KCNIP4: variants seen among roughly 807,000 people sequenced by gnomAD.
The protein encoded by KCNIP4 is Kv channel-interacting protein 4.
KCNIP4 carries 12 observed loss-of-function variants against 34.0 expected under a neutral mutation model. The ratio of observed to expected loss-of-function variants is 0.35; its 90% CI spans 0.23 to 0.57. The LOEUF (loss-of-function observed/expected upper bound fraction) is 0.57. Ranked by LOEUF, KCNIP4 falls within the 20% of genes least tolerant of loss-of-function variation. The pLI is 0.83. For missense variants in KCNIP4, 238 were observed against 311.7 expected (o/e 0.76, Z 1.78); for synonymous variants, 124 against 102.2 (o/e 1.21, Z -1.29).
chr4:21,231,963 G>A (rs985077930), intron 1 of KCNIP4, among the ~76,000 whole-genome samples: 2 of 152,106 alleles, frequency 1.3e-5, no homozygotes, highest in East Asian at 1.9e-4. Flanking sequence ...GAAGCTGGCC[G>A]ATAGACAAGG....
chr4:21,400,493 C>CTCT (rs1243221687), intron 1 of KCNIP4, among the ~76,000 whole-genome samples: 1,489 of 139,046 alleles, frequency 0.011, 101 homozygotes, highest in African/African-American at 0.036. Flanking sequence ...CTCTCCTCTC[C>CTCT]CCTCCCTTCC....
rs116032878 is a variant in KCNIP4, at chr4:21,631,627, A to C, written c.61+316944T>G. Among the ~76,000 whole-genome samples, 707 of 152,282 alleles carry C rather than the reference A, an allele frequency of 4.6e-3. 2 individuals are homozygous for C. The highest frequency in any genetic ancestry group is 0.016 in the African/African-American group (676 of 41,564). On this transcript the variant is annotated intron_variant, in intron 1 of 8. Coordinates refer to ENST00000382152, the MANE Select transcript of KCNIP4 (RefSeq NM_025221.6). ...CTCCACGGTATAAAAACCCTCTGCT[A>C]TGTCCTCTCAAAACACCTCCTCAAT...
At chr4:21,731,001 T>C (rs1193156895) in intron 1 of KCNIP4, among the ~76,000 whole-genome samples, 1 of 151,682 alleles carries the variant, frequency 6.6e-6, no homozygotes, top group African/African-American at 2.4e-5. Flanking sequence ...GTAGTCCCAG[T>C]TTCTTGGGAG....
At chr4:21,618,821 G>C (rs1744795970) in intron 1 of KCNIP4, among the ~76,000 whole-genome samples, 1 of 151,604 alleles carries the variant, frequency 6.6e-6, no homozygotes, top group Non-Finnish European at 1.5e-5. Flanking sequence ...TTTTAGTAGA[G>C]ACGGGATTTC....
chr4:21,273,439 C>A (rs530199033), intron 1 of KCNIP4, among the ~76,000 whole-genome samples: 9 of 152,230 alleles, frequency 5.9e-5, no homozygotes, highest in African/African-American at 2.2e-4. Flanking sequence ...CATTTACATT[C>A]AAGTAGGCAC....
intron 1 of KCNIP4, among the ~76,000 whole-genome samples, chr4:21,516,994 A>G (rs1486317707): frequency 6.6e-6 from 1 of 152,146 alleles, no homozygotes; most frequent in Non-Finnish European, 1.5e-5. Flanking sequence ...TGTGCAGAGA[A>G]TGTGATGTAG....
At chr4:21,255,191 C>G (rs912610915) in intron 1 of KCNIP4, among the ~76,000 whole-genome samples, 2 of 152,096 alleles carry the variant, frequency 1.3e-5, no homozygotes, top group Admixed American at 6.6e-5. Context: ...TTCTCACTAC[C>G]TGAGCACCCT....
chr4:21,266,024 A>G (rs935135353), intron 1 of KCNIP4, among the ~76,000 whole-genome samples: 7 of 152,188 alleles, frequency 4.6e-5, no homozygotes, highest in Admixed American at 2.0e-4. Flanking sequence ...TTATCTCACA[A>G]TAATTCAATA....
chr4:21,257,254 G>A (rs990721811), intron 1 of KCNIP4, among the ~76,000 whole-genome samples: 7 of 152,130 alleles, frequency 4.6e-5, no homozygotes, highest in African/African-American at 1.4e-4. Context: ...TCTCTTGAGA[G>A]CAGACACTTC....
At chr4:21,361,701 T>C (rs538520783) in intron 1 of KCNIP4, among the ~76,000 whole-genome samples, 153 of 150,666 alleles carry the variant, frequency 1.0e-3, no homozygotes, top group African/African-American at 3.5e-3. Context: ...CCTTTTTTTT[T>C]CCCATAGCAA....
At chr4:21,471,224 G>A (rs1730443204) in intron 1 of KCNIP4, among the ~76,000 whole-genome samples, 1 of 152,108 alleles carries the variant, frequency 6.6e-6, no homozygotes, top group Non-Finnish European at 1.5e-5. Flanking sequence ...TTTAGGAATT[G>A]AGGAAAAACT....
At chr4:21,476,246 T>C (rs1342237750) in intron 1 of KCNIP4, among the ~76,000 whole-genome samples, 3 of 149,314 alleles carry the variant, frequency 2.0e-5, no homozygotes, top group Non-Finnish European at 4.5e-5. Context: ...ATCTATCTAT[T>C]GAGTTTTTCA....
At chr4:21,584,884 G>A (rs1352995343) in intron 1 of KCNIP4, among the ~76,000 whole-genome samples, 1 of 152,072 alleles carries the variant, frequency 6.6e-6, no homozygotes, top group Non-Finnish European at 1.5e-5. Context: ...TTGTAGAGGA[G>A]CAATATACGT....
At chr4:21,693,470 G>A (rs919158140) in intron 1 of KCNIP4, among the ~76,000 whole-genome samples, 1 of 151,970 alleles carries the variant, frequency 6.6e-6, no homozygotes, top group Non-Finnish European at 1.5e-5. Flanking sequence ...CTGAGGCAGA[G>A]AGAATTGATT....
At chr4:21,345,774 A>C (rs1401503624) in intron 1 of KCNIP4, among the ~76,000 whole-genome samples, 2 of 152,040 alleles carry the variant, frequency 1.3e-5, no homozygotes, top group African/African-American at 4.8e-5. Flanking sequence ...AATTGAGCTA[A>C]CAACCATCTC....
chr4:20,784,099 A>G (rs1310119499), intron 3 of KCNIP4, among the ~76,000 whole-genome samples: 6 of 152,200 alleles, frequency 3.9e-5, no homozygotes, highest in Non-Finnish European at 2.9e-5. Context: ...GTCCTAAAAC[A>G]ATATAAGTCT....
intron 1 of KCNIP4, among the ~76,000 whole-genome samples, chr4:21,370,882 C>CACACGT (rs367553482): frequency 0.013 from 495 of 39,270 alleles, 75 homozygotes; most frequent in South Asian, 0.019. Context: ...CACACACACA[C>CACACGT]GTGTGTGTGT....
intron 1 of KCNIP4, among the ~76,000 whole-genome samples, chr4:21,245,344 T>C (rs532671280): frequency 6.6e-6 from 1 of 152,310 alleles, no homozygotes; most frequent in Admixed American, 6.5e-5. Context: ...TTTTTCACAC[T>C]TAGAAGAATT....
chr4:21,134,620 CT>C (rs1186567761), intron 1 of KCNIP4, among the ~76,000 whole-genome samples: 1 of 152,176 alleles, frequency 6.6e-6, no homozygotes, highest in Non-Finnish European at 1.5e-5. Context: ...CCATCCTGTT[CT>C]TGAAATTCTT....
Sources: allele counts gnomAD v4.1 joint callset (sites outside exome capture counted in the v4.1 genomes callset), GRCh38; gene constraint gnomAD v4.1.1; transcripts MANE v1.5; gene names NCBI Gene and HGNC (gene_info 2026-07-23, HGNC 2026-07-21).